The following SUPT3H variants were observed in gnomAD, a reference collection of about 807,000 sequenced individuals.
The protein encoded by SUPT3H is SPT3 homolog, SAGA and STAGA complex component, also known as transcription initiation protein SPT3 homolog.
SUPT3H carries 44 observed loss-of-function variants against 44.3 expected under a neutral mutation model. That is an observed-to-expected ratio of 0.99 (90% CI 0.78 to 1.28). The LOEUF is 1.28. Ranked by LOEUF, SUPT3H falls within the 50% of genes most tolerant of loss-of-function variation. SUPT3H has a pLI of 0.00. For missense variants in SUPT3H, 380 were observed against 387.1 expected (o/e 0.98, Z 0.15); for synonymous variants, 124 against 125.6 (o/e 0.99, Z 0.09).
At chr6:45,112,984 G>A (rs1273397396) in intron 2 of SUPT3H, among the ~76,000 whole-genome samples, 3 of 85,218 alleles carry the variant, frequency 3.5e-5, no homozygotes, top group Admixed American at 2.1e-4. Flanking sequence ...TTTTTAATTA[G>A]TTCTGGTTTT....
At chr6:44,861,014 T>C (rs544914859) in intron 10 of SUPT3H, among the ~76,000 whole-genome samples, 3 of 152,212 alleles carry the variant, frequency 2.0e-5, no homozygotes, top group Non-Finnish European at 4.4e-5. Context: ...GAGTCCTGGG[T>C]TCTGCTATTA....
At chr6:45,323,239 A>G (rs1785796311) in intron 2 of SUPT3H, among the ~76,000 whole-genome samples, 1 of 152,076 alleles carries the variant, frequency 6.6e-6, no homozygotes, top group Admixed American at 6.6e-5. Flanking sequence ...ACCTTCAACA[A>G]CCTCCTTTAT....
chr6:44,853,350 T>C (rs1056213520), intron 10 of SUPT3H, among the ~76,000 whole-genome samples: 15 of 152,066 alleles, frequency 9.9e-5, no homozygotes, highest in African/African-American at 7.2e-5. Flanking sequence ...AAAATCATCA[T>C]AGGAAACATG....
At chr6:45,180,498 TGGTACTGGTACCAAAACAGA>T (rs1488531259) in intron 2 of SUPT3H, among the ~76,000 whole-genome samples, 19 of 26,946 alleles carry the variant, frequency 7.1e-4, no homozygotes, top group African/African-American at 6.6e-3. Context: ...CAAAACAGCA[TGGTACTGGTACCAAAACAGA>T]GATATAGATC....
intron 2 of SUPT3H, among the ~76,000 whole-genome samples, chr6:45,191,492 A>C (rs1264461284): frequency 6.6e-6 from 1 of 152,114 alleles, no homozygotes; most frequent in Admixed American, 6.5e-5. Flanking sequence ...ATGGTGGATA[A>C]ATGTCATTAT....
intron 2 of SUPT3H, among the ~76,000 whole-genome samples, chr6:45,120,503 A>T (rs2153578987): frequency 6.6e-6 from 1 of 151,510 alleles, no homozygotes; most frequent in South Asian, 2.1e-4. Context: ...ATACTTTGAT[A>T]AAATTGGAAA....
At chr6:45,248,698 C>T (rs1335969036) in intron 2 of SUPT3H, among the ~76,000 whole-genome samples, 2 of 151,972 alleles carry the variant, frequency 1.3e-5, no homozygotes, top group African/African-American at 2.4e-5. Flanking sequence ...GGATAGATCA[C>T]GAGGTCAGGA....
chr6:45,002,075 T>C (rs200454983), intron 6 of SUPT3H, among the ~76,000 whole-genome samples: 1 of 152,090 alleles, frequency 6.6e-6, no homozygotes, highest in East Asian at 1.9e-4. Context: ...CAGTCTCATG[T>C]TTATTTGTAC....
At chr6:45,154,934 G>A (rs1807571379) in intron 2 of SUPT3H, among the ~76,000 whole-genome samples, 1 of 152,178 alleles carries the variant, frequency 6.6e-6, no homozygotes, top group South Asian at 2.1e-4. Context: ...CTACGTGCCT[G>A]ATAATATGGA....
At chr6:44,867,805 C>CA in intron 10 of SUPT3H, among the ~76,000 whole-genome samples, 1 of 152,274 alleles carries the variant, frequency 6.6e-6, no homozygotes, top group Non-Finnish European at 1.5e-5. Context: ...GCAGGCGTAC[C>CA]ACAGCAAGGC....
chr6:44,839,495 T>C (rs1770536986), intron 10 of SUPT3H, among the ~76,000 whole-genome samples: 1 of 151,642 alleles, frequency 6.6e-6, no homozygotes, highest in Non-Finnish European at 1.5e-5. Context: ...TTTTTAGAGA[T>C]GAGGGTCTCA....
In SUPT3H at chr6:45,106,173, T is replaced by A. The variant is rs145429471; in HGVS notation, c.102-167A>T. Among the ~76,000 whole-genome samples the A allele has an allele frequency of 1.4e-4, 22 of 152,358 alleles. No individual in the cohort carries two copies. The East Asian group carries it at 4.2e-3, about 29-fold the overall frequency. On this transcript the variant is annotated intron_variant, in intron 2 of 10. Coordinates refer to ENST00000371459, the MANE Select transcript of SUPT3H (RefSeq NM_003599.4). ...TTGGCCAGGTGTGGTGGCTCACGCC[T>A]TTAATCTCAGCACTTTGGGAGGCCG...
At chr6:44,993,126 G>A (rs550002274) in intron 6 of SUPT3H, among the ~76,000 whole-genome samples, 1 of 152,190 alleles carries the variant, frequency 6.6e-6, no homozygotes, top group Admixed American at 6.5e-5. Flanking sequence ...TTGGGCCATG[G>A]CATTTCAGCC....
intron 3 of SUPT3H, chr6:45,098,961 A>G (rs1384046769): frequency 2.2e-6 from 1 of 451,228 alleles, no homozygotes; most frequent in Non-Finnish European, 4.4e-6. Context: ...AGAACAGATC[A>G]CAGACTCTGG....
chr6:45,014,422 A>G (rs1309222500), intron 5 of SUPT3H, among the ~76,000 whole-genome samples: 1 of 152,110 alleles, frequency 6.6e-6, no homozygotes, highest in East Asian at 1.9e-4. Flanking sequence ...TACACAATAT[A>G]ATTTCCCTCC....
At chr6:45,312,000 G>A (rs1167676291) in intron 2 of SUPT3H, among the ~76,000 whole-genome samples, 1 of 152,080 alleles carries the variant, frequency 6.6e-6, no homozygotes. Context: ...GAATGTAAAT[G>A]GCCTAAATGC....
chr6:44,826,532 AT>A (rs1470243623), downstream of SUPT3H, among the ~76,000 whole-genome samples: 1 of 152,174 alleles, frequency 6.6e-6, no homozygotes, highest in African/African-American at 2.4e-5. Context: ...TACATGGTTG[AT>A]GGTAGAATTT....
At position 45,019,711 on chromosome 6, in the gene SUPT3H, C is replaced by T. The variant is rs76719321; in HGVS notation, c.273+835G>A. Among the ~76,000 whole-genome samples, 28 of 152,036 alleles carry T rather than the reference C, an allele frequency of 1.8e-4. No individual in the cohort carries two copies. In the East Asian group the frequency reaches 5.4e-3, roughly 29 times the overall value. On this transcript the variant is annotated intron_variant, in intron 4 of 10. Transcript: ENST00000371459. ...TCTGGCGCCTTGTACCTAAGACTGCCTCACCCTGGGCAGAAACTTTCACTT... is the reference window on the plus strand; with the variant it reads ...TCTGGCGCCTTGTACCTAAGACTGCTTCACCCTGGGCAGAAACTTTCACTT...
chr6:44,855,767 T>C (rs1773626112), intron 10 of SUPT3H, among the ~76,000 whole-genome samples: 3 of 151,998 alleles, frequency 2.0e-5, no homozygotes, highest in Non-Finnish European at 2.9e-5. Flanking sequence ...AGAGACACTT[T>C]TGACTACTTC....
Sources: allele counts gnomAD v4.1 joint callset (sites outside exome capture counted in the v4.1 genomes callset), GRCh38; gene constraint gnomAD v4.1.1; transcripts MANE v1.5; gene names NCBI Gene and HGNC (gene_info 2026-07-23, HGNC 2026-07-21).